Variants in PTPRD observed in about 807,000 individuals in gnomAD.
PTPRD encodes the protein receptor-type tyrosine-protein phosphatase delta.
PTPRD carries 34 observed loss-of-function variants against 214.5 expected under a neutral mutation model. The observed-to-expected ratio is 0.16, with a 90% CI of 0.12 to 0.21. The LOEUF (loss-of-function observed/expected upper bound fraction) is 0.21. Ranked by LOEUF, PTPRD falls within the 10% of genes least tolerant of loss-of-function variation. PTPRD has a pLI of 1.00. For missense variants in PTPRD, 2,545 were observed against 2,398.7 expected (o/e 1.06, Z -1.27); for synonymous variants, 1,128 against 845.7 (o/e 1.33, Z -5.79).
chr9:8,323,917 G>T (rs974342293), intron 44 of PTPRD, among the ~76,000 whole-genome samples: 13 of 152,112 alleles, frequency 8.5e-5, no homozygotes, highest in Non-Finnish European at 1.6e-4. Context: ...GAAGGCTCTT[G>T]ACTTTGTCAC....
At chr9:8,465,164 T>C (rs2096520725) in intron 32 of PTPRD, among the ~76,000 whole-genome samples, 1 of 152,032 alleles carries the variant, frequency 6.6e-6, no homozygotes, top group Non-Finnish European at 1.5e-5. Flanking sequence ...GCAATGATGG[T>C]TCTAACACCA....
intron 5 of PTPRD, among the ~76,000 whole-genome samples, chr9:9,834,433 G>A (rs1403410898): frequency 6.6e-6 from 1 of 152,014 alleles, no homozygotes; most frequent in Non-Finnish European, 1.5e-5. Flanking sequence ...ACCAATCAGG[G>A]TGAAAGTTTA....
intron 11 of PTPRD, among the ~76,000 whole-genome samples, chr9:8,763,778 T>A (rs2094547067): frequency 6.6e-6 from 1 of 151,692 alleles, no homozygotes; most frequent in South Asian, 2.1e-4. Flanking sequence ...CTCTCTTATA[T>A]CAAATAAAAA....
At chr9:10,184,416 C>A (rs1417513356) in intron 3 of PTPRD, among the ~76,000 whole-genome samples, 1 of 151,934 alleles carries the variant, frequency 6.6e-6, no homozygotes, top group Non-Finnish European at 1.5e-5. Context: ...CAGAGCGAGG[C>A]TCCATTAAAA....
intron 39 of PTPRD, among the ~76,000 whole-genome samples, chr9:8,363,514 A>G (rs1437436746): frequency 6.6e-6 from 1 of 152,164 alleles, no homozygotes; most frequent in Non-Finnish European, 1.5e-5. Context: ...AAAAATTAAA[A>G]GGCCCTTTTT....
At chr9:9,858,149 A>T (rs1214753536) in intron 5 of PTPRD, among the ~76,000 whole-genome samples, 1 of 152,200 alleles carries the variant, frequency 6.6e-6, no homozygotes, top group Non-Finnish European at 1.5e-5. Flanking sequence ...CCTGAATTAT[A>T]AAAATACATT....
At chr9:10,252,266 T>G (rs764312660) in intron 3 of PTPRD, among the ~76,000 whole-genome samples, 15 of 152,178 alleles carry the variant, frequency 9.9e-5, no homozygotes, top group Non-Finnish European at 1.8e-4. Flanking sequence ...CAAAGTTAGA[T>G]CACAAAATGC....
chr9:9,986,558 C>T (rs2154072924), intron 4 of PTPRD, among the ~76,000 whole-genome samples: 1 of 152,132 alleles, frequency 6.6e-6, no homozygotes, highest in Non-Finnish European at 1.5e-5. Context: ...TAGTTATCTC[C>T]CACAGGTGGG....
intron 8 of PTPRD, among the ~76,000 whole-genome samples, chr9:9,442,907 C>T (rs1038097150): frequency 6.6e-6 from 1 of 152,080 alleles, no homozygotes. Flanking sequence ...TGCATCTGTA[C>T]ATTTTTATCC....
chr9:9,772,280 T>C (rs2098758181), intron 5 of PTPRD, among the ~76,000 whole-genome samples: 1 of 152,108 alleles, frequency 6.6e-6, no homozygotes, highest in South Asian at 2.1e-4. Context: ...ACCTTGCTGA[T>C]AGCTTGGTCT....
intron 12 of PTPRD, among the ~76,000 whole-genome samples, chr9:8,721,465 T>C (rs2098497605): frequency 1.3e-5 from 2 of 150,954 alleles, no homozygotes; most frequent in South Asian, 2.1e-4. Flanking sequence ...AGTGTTTAAA[T>C]CATTATTCAA....
At chr9:8,474,312 C>T (rs1016364834) in intron 30 of PTPRD, among the ~76,000 whole-genome samples, 20 of 152,012 alleles carry the variant, frequency 1.3e-4, no homozygotes, top group African/African-American at 3.1e-4. Flanking sequence ...GATTCTTTTG[C>T]GGGGTTCATG....
chr9:9,801,564 G>T (rs532060309), intron 5 of PTPRD, among the ~76,000 whole-genome samples: 27 of 152,090 alleles, frequency 1.8e-4, no homozygotes, highest in Admixed American at 6.6e-5. Context: ...ATATTTCTGT[G>T]GCCACTGGAG....
chr9:10,597,236 G>A (rs1428574019), intron 2 of PTPRD, among the ~76,000 whole-genome samples: 1 of 151,492 alleles, frequency 6.6e-6, no homozygotes, highest in East Asian at 1.9e-4. Context: ...ATGTTACTTG[G>A]TACCAAGACT....
intron 31 of PTPRD, among the ~76,000 whole-genome samples, chr9:8,468,487 T>A (rs536123748): frequency 6.6e-6 from 1 of 152,058 alleles, no homozygotes; most frequent in Non-Finnish European, 1.5e-5. Context: ...CAATAGGAGT[T>A]TCAGTTTATA....
chr9:9,822,649 T>C (rs1598801492), intron 5 of PTPRD, among the ~76,000 whole-genome samples: 3 of 151,868 alleles, frequency 2.0e-5, no homozygotes, highest in Non-Finnish European at 4.4e-5. Context: ...TAAATATTTT[T>C]AAACTTACAG....
intron 9 of PTPRD, among the ~76,000 whole-genome samples, chr9:9,234,696 T>A (rs552553266): frequency 6.6e-6 from 1 of 152,170 alleles, no homozygotes; most frequent in Non-Finnish European, 1.5e-5. Flanking sequence ...GCAAAATGCC[T>A]TCAGTCTCTT....
intron 35 of PTPRD, among the ~76,000 whole-genome samples, chr9:8,426,818 T>G (rs12003658): frequency 1.3e-5 from 2 of 150,226 alleles, no homozygotes; most frequent in East Asian, 4.0e-4. Flanking sequence ...TTTTTTAATG[T>G]GGGTGAAAGA....
At chr9:9,961,695 C>G (rs1475830795) in intron 4 of PTPRD, among the ~76,000 whole-genome samples, 1 of 152,110 alleles carries the variant, frequency 6.6e-6, no homozygotes, top group African/African-American at 2.4e-5. Context: ...AATTCCATGC[C>G]TTCACTTACT....
Sources: allele counts gnomAD v4.1 joint callset (sites outside exome capture counted in the v4.1 genomes callset), GRCh38; gene constraint gnomAD v4.1.1; transcripts MANE v1.5; gene names NCBI Gene and HGNC (gene_info 2026-07-23, HGNC 2026-07-21).